PSMA1: variants seen among roughly 807,000 people sequenced by gnomAD.
PSMA1 encodes proteasome 20S subunit alpha 1, also known as proteasome subunit alpha type-1.
PSMA1 carries 3 observed loss-of-function variants against 38.4 expected under a neutral mutation model. The observed-to-expected ratio is 0.08, with a 90% CI of 0.04 to 0.20. The LOEUF is 0.20. Ranked by LOEUF, PSMA1 falls within the 10% of genes least tolerant of loss-of-function variation. The probability of loss-of-function intolerance (pLI) is 1.00; values close to 1 mark genes in which losing one functional copy is unlikely to be tolerated. For missense variants in PSMA1, 227 were observed against 325.3 expected (o/e 0.70, Z 2.32); for synonymous variants, 101 against 107.1 (o/e 0.94, Z 0.35).
chr11:14,514,242 A>G (rs996021189), intron 5 of PSMA1, 161 bp downstream of exon 5: 5 of 1,371,466 alleles, frequency 3.6e-6, no homozygotes, highest in African/African-American at 3.0e-5. Context: ...TCTAGCAAAT[A>G]TAAATTGCTT....
chr11:14,548,761 C>T (rs548875461), intron 2 of PSMA1, among the ~76,000 whole-genome samples: 29 of 152,176 alleles, frequency 1.9e-4, no homozygotes, highest in African/African-American at 6.3e-4. Flanking sequence ...TAAATTAATT[C>T]GCATCTTAAG....
intron 2 of PSMA1, among the ~76,000 whole-genome samples, chr11:14,592,903 G>A (rs752794629): frequency 2.0e-5 from 3 of 152,094 alleles, no homozygotes; most frequent in African/African-American, 4.8e-5. Context: ...TCTCATCCTA[G>A]TTGTGCTTTA....
At chr11:14,595,010 T>C (rs1371246267) in intron 2 of PSMA1, among the ~76,000 whole-genome samples, 1 of 152,186 alleles carries the variant, frequency 6.6e-6, no homozygotes, top group Non-Finnish European at 1.5e-5. Context: ...CACGCACTGT[T>C]TGATTTTCTA....
At chr11:14,585,642 T>C (rs1189990062) in intron 2 of PSMA1, among the ~76,000 whole-genome samples, 1 of 152,218 alleles carries the variant, frequency 6.6e-6, no homozygotes, top group Non-Finnish European at 1.5e-5. Flanking sequence ...AAGTCTAGCC[T>C]GGAGGCCTCA....
intron 2 of PSMA1, among the ~76,000 whole-genome samples, chr11:14,518,590 C>A (rs1204954576): frequency 6.6e-6 from 1 of 152,146 alleles, no homozygotes; most frequent in Non-Finnish European, 1.5e-5. Flanking sequence ...ATACAAAACA[C>A]TACCTGCATT....
chr11:14,607,015 A>G (rs987062914), intron 2 of PSMA1, among the ~76,000 whole-genome samples: 4 of 152,198 alleles, frequency 2.6e-5, no homozygotes, highest in Non-Finnish European at 5.9e-5. Flanking sequence ...GGAACAGAAT[A>G]GAGTGCATAC....
At chr11:14,517,532 T>A (rs1334720288) in intron 4 of PSMA1, 110 bp downstream of exon 4, 37 of 903,978 alleles carry the variant, frequency 4.1e-5, no homozygotes, top group Non-Finnish European at 5.7e-5. Flanking sequence ...TAATCTTAAT[T>A]TACAAGAACT....
intron 1 of PSMA1, among the ~76,000 whole-genome samples, chr11:14,519,541 T>A (rs1307471217): frequency 1.3e-5 from 2 of 152,244 alleles, no homozygotes; most frequent in African/African-American, 4.8e-5. Context: ...TATTTTTTAA[T>A]GTTCACTGTA....
chr11:14,577,987 AG>A (rs1426385788), intron 2 of PSMA1, among the ~76,000 whole-genome samples: 1 of 152,056 alleles, frequency 6.6e-6, no homozygotes, highest in Admixed American at 6.6e-5. Context: ...TCATTTAAAC[AG>A]CCACATGTTG....
chr11:14,629,975 T>C (rs1247874261), intron 1 of PSMA1, among the ~76,000 whole-genome samples: 1 of 152,150 alleles, frequency 6.6e-6, no homozygotes, highest in African/African-American at 2.4e-5. Context: ...CGTCTGTTGT[T>C]GGTGTATAAG....
Position 14,509,168 on chromosome 11 carries a change from C to T in PSMA1, c.625-1402G>A, listed in dbSNP as rs548511469. Among the ~76,000 whole-genome samples, 3 of 152,228 alleles carry T rather than the reference C, an allele frequency of 2.0e-5. No homozygotes were observed. In the South Asian group the frequency reaches 6.2e-4, roughly 32 times the overall value. On this transcript the variant is annotated intron_variant, in intron 8 of 9. Coordinates refer to ENST00000396394, the MANE Select transcript of PSMA1 (RefSeq NM_002786.4). Reference sequence around the variant, plus strand: ...AAAGGCATTTCAAATTTTACATGTCCGCAACTGACTGCCTGACCTTCCTCC... The same window carrying T: ...AAAGGCATTTCAAATTTTACATGTCTGCAACTGACTGCCTGACCTTCCTCC...
intron 2 of PSMA1, among the ~76,000 whole-genome samples, chr11:14,532,879 A>G (rs574455059): frequency 3.0e-4 from 46 of 151,918 alleles, no homozygotes; most frequent in African/African-American, 9.4e-4. Context: ...GTGACAGAGC[A>G]AGACTCTGTC....
At chr11:14,562,826 C>T (rs1049073830) in intron 2 of PSMA1, among the ~76,000 whole-genome samples, 1 of 152,034 alleles carries the variant, frequency 6.6e-6, no homozygotes, top group Non-Finnish European at 1.5e-5. Context: ...CACATACTGG[C>T]CTCCCAAAGT....
At chr11:14,594,807 C>T (rs1245902397) in intron 2 of PSMA1, among the ~76,000 whole-genome samples, 2 of 152,024 alleles carry the variant, frequency 1.3e-5, no homozygotes, top group Non-Finnish European at 1.5e-5. Flanking sequence ...ATGTTCACAA[C>T]GTGCAGGTTT....
rs542759587 is a variant in PSMA1 at position 14,555,112 on chromosome 11, T to A, written c.22-36071A>T. On this transcript the variant is annotated intron_variant, in intron 2 of 10. Coordinates refer to the PSMA1 transcript ENST00000418988. ...GGAGGATGTGGTTCACTACGTCACA[T>A]GTGTCCTCTTTAGGAGAACAGATGG... 3.9e-5 allele frequency among the ~76,000 whole-genome samples: 6 copies of A among 152,354 alleles called. No homozygotes were observed. The South Asian group carries it at 1.2e-3, about 32-fold the overall frequency.
intron 1 of PSMA1, among the ~76,000 whole-genome samples, chr11:14,626,618 C>A (rs1852915209): frequency 6.6e-6 from 1 of 152,156 alleles, no homozygotes; most frequent in Non-Finnish European, 1.5e-5. Flanking sequence ...GAACTCAGCT[C>A]TACAACTTGT....
At chr11:14,604,410 T>C (rs1852618584) in intron 2 of PSMA1, among the ~76,000 whole-genome samples, 1 of 152,182 alleles carries the variant, frequency 6.6e-6, no homozygotes, top group East Asian at 1.9e-4. Flanking sequence ...ATGTGACATC[T>C]CTATATTCAG....
intron 4 of PSMA1, 133 bp from the exon 5 acceptor site, chr11:14,514,624 A>G: frequency 1.5e-6 from 1 of 683,278 alleles, no homozygotes; most frequent in Non-Finnish European, 2.2e-6. Flanking sequence ...ACAGAAGGTA[A>G]GAAAGACATG....
chr11:14,514,851 T>C (rs1851400438), intron 4 of PSMA1, among the ~76,000 whole-genome samples: 1 of 152,186 alleles, frequency 6.6e-6, no homozygotes, highest in African/African-American at 2.4e-5. Context: ...GCAAAAAGAT[T>C]ATCTACTCTG....
Sources: allele counts gnomAD v4.1 joint callset (sites outside exome capture counted in the v4.1 genomes callset), GRCh38; gene constraint gnomAD v4.1.1; transcripts MANE v1.5; gene names NCBI Gene and HGNC (gene_info 2026-07-23, HGNC 2026-07-21).